The following PCSK6 variants were observed in gnomAD, a reference collection of about 807,000 sequenced individuals.
PCSK6 encodes paired basic amino acid cleaving enzyme 4.
A neutral mutation model predicts 123.3 loss-of-function variants in PCSK6; 85 were observed. The observed-to-expected ratio is 0.69, with a 90% CI of 0.58 to 0.83. The LOEUF (loss-of-function observed/expected upper bound fraction) is 0.83. PCSK6 is among the 40% of genes least tolerant of loss of function. PCSK6 has a pLI of 0.00. For missense variants in PCSK6, 1,191 were observed against 1,282.3 expected (o/e 0.93, Z 1.09); for synonymous variants, 508 against 516.0 (o/e 0.98, Z 0.21).
chr15:101,374,791 C>T (rs1014071451), intron 11 of PCSK6, among the ~76,000 whole-genome samples: 8 of 152,176 alleles, frequency 5.3e-5, no homozygotes, highest in Non-Finnish European at 1.0e-4. Context: ...ACACAGTGCC[C>T]GTGTGAAGGT....
intron 11 of PCSK6, among the ~76,000 whole-genome samples, chr15:101,379,741 A>T (rs1405493876): frequency 6.6e-6 from 1 of 152,156 alleles, no homozygotes; most frequent in Admixed American, 6.5e-5. Context: ...CTTCCTTTTC[A>T]TTTTCGGCCA....
At chr15:101,313,640 C>T in intron 19 of PCSK6, 135 bp from the exon 20 acceptor site, 1 of 1,370,382 alleles carries the variant, frequency 7.3e-7, no homozygotes, top group Non-Finnish European at 9.7e-7. Context: ...TGCCATTTCC[C>T]AGGTTCTGTG....
At chr15:101,317,768 A>C (rs1208993788) in intron 19 of PCSK6, among the ~76,000 whole-genome samples, 1 of 152,216 alleles carries the variant, frequency 6.6e-6, no homozygotes, top group East Asian at 1.9e-4. Flanking sequence ...TTCTAATGAG[A>C]ACCTCAGGCT....
intron 1 of PCSK6, among the ~76,000 whole-genome samples, chr15:101,480,273 C>T (rs2057841159): frequency 1.3e-5 from 2 of 152,342 alleles, no homozygotes; most frequent in Admixed American, 1.3e-4. Context: ...GATTAGAGAA[C>T]TAACAGTGAC....
intron 5 of PCSK6, among the ~76,000 whole-genome samples, chr15:101,429,193 G>C (rs894694306): frequency 4.6e-5 from 7 of 152,152 alleles, no homozygotes; most frequent in African/African-American, 1.7e-4. Context: ...AATATTTTTA[G>C]AGGAATGATA....
chr15:101,489,315 C>T (rs1260861771), intron 1 of PCSK6, 59 bp downstream of exon 1: 2 of 1,062,078 alleles, frequency 1.9e-6, no homozygotes, highest in South Asian at 3.4e-5. Context: ...AGGCGCCCCC[C>T]TCGCGCGCGC....
At chr15:101,387,375 G>A (rs543542989) in intron 9 of PCSK6, among the ~76,000 whole-genome samples, 33 of 152,208 alleles carry the variant, frequency 2.2e-4, no homozygotes, top group Non-Finnish European at 4.0e-4. Flanking sequence ...TCAGCAGGGC[G>A]TACTCGAAGA....
chr15:101,469,564 G>C (rs765962314), intron 1 of PCSK6, among the ~76,000 whole-genome samples: 2 of 152,222 alleles, frequency 1.3e-5, no homozygotes, highest in Non-Finnish European at 2.9e-5. Context: ...GTCCTCTTTT[G>C]CGTCAGTGGT....
intron 1 of PCSK6, among the ~76,000 whole-genome samples, chr15:101,453,721 T>A (rs990085123): frequency 6.6e-6 from 1 of 152,198 alleles, no homozygotes; most frequent in Non-Finnish European, 1.5e-5. Flanking sequence ...GTTGAGACTT[T>A]CCCAACTTGA....
At chr15:101,306,083 A>G (rs1272511479) in intron 21 of PCSK6, among the ~76,000 whole-genome samples, 1 of 136,962 alleles carries the variant, frequency 7.3e-6, no homozygotes, top group East Asian at 2.5e-4. Flanking sequence ...GCCTGGAGGC[A>G]GGAGGGAATG....
chr15:101,484,983 G>A (rs184444237), intron 1 of PCSK6, among the ~76,000 whole-genome samples: 190 of 152,272 alleles, frequency 1.2e-3, no homozygotes, highest in South Asian at 5.0e-3. Flanking sequence ...GTCTGGCTGT[G>A]GACTAGCAAG....
rs767269626 is a variant in PCSK6, at chr15:101,305,224, G to A, written c.*34C>T. 4 of 1,529,194 alleles carry A rather than the reference G, an allele frequency of 2.6e-6. No individual in the cohort carries two copies. In the Admixed American group the frequency reaches 6.9e-5, roughly 26 times the overall value. 94.7% of individuals were successfully genotyped at this position (1,529,194 alleles called of 1,614,324 possible). On this transcript the variant is annotated 3_prime_UTR_variant, in exon 22 of 22. Coordinates refer to ENST00000611716, the MANE Select transcript of PCSK6 (RefSeq NM_002570.5). The surrounding 1 kb of genome is among the most constrained non-coding windows in gnomAD (Gnocchi z 4.8). ...AGGAAGGTGGACGGATGGATGGATG[G>A]GAGTGCCTGCCCTCTGTGGGCAGCT...
At chr15:101,437,025 C>A (rs1296403665) in intron 2 of PCSK6, among the ~76,000 whole-genome samples, 1 of 152,170 alleles carries the variant, frequency 6.6e-6, no homozygotes, top group Non-Finnish European at 1.5e-5. Flanking sequence ...GTCCCAGAAA[C>A]CCCAGAACTG....
At chr15:101,394,020 G>A (rs2042318723) in intron 7 of PCSK6, among the ~76,000 whole-genome samples, 1 of 152,216 alleles carries the variant, frequency 6.6e-6, no homozygotes, top group South Asian at 2.1e-4. Flanking sequence ...CAGCTTGTGG[G>A]TGTCCTGTCA....
intron 13 of PCSK6, among the ~76,000 whole-genome samples, chr15:101,359,517 A>T (rs2041148398): frequency 6.6e-6 from 1 of 152,270 alleles, no homozygotes; most frequent in African/African-American, 2.4e-5. Context: ...CCTATTGGGC[A>T]CCTATCATAC....
intron 1 of PCSK6, among the ~76,000 whole-genome samples, chr15:101,466,067 A>G (rs2057452771): frequency 6.6e-6 from 1 of 152,324 alleles, no homozygotes. Flanking sequence ...GATTAAAAAA[A>G]CAATGTCCGT....
chr15:101,464,160 T>A (rs2057402111), intron 1 of PCSK6, among the ~76,000 whole-genome samples: 1 of 152,124 alleles, frequency 6.6e-6, no homozygotes, highest in African/African-American at 2.4e-5. Flanking sequence ...AGGCTGCTCC[T>A]GGGGCTGCTG....
At chr15:101,327,448 G>A (rs940819052) in intron 15 of PCSK6, among the ~76,000 whole-genome samples, 9 of 152,268 alleles carry the variant, frequency 5.9e-5, no homozygotes, top group African/African-American at 2.2e-4. Flanking sequence ...CCTGCCTACT[G>A]CCCACCTGTC....
At chr15:101,357,894 G>A (rs1340782754) in intron 13 of PCSK6, among the ~76,000 whole-genome samples, 1 of 152,146 alleles carries the variant, frequency 6.6e-6, no homozygotes, top group African/African-American at 2.4e-5. Context: ...CCACACTGAC[G>A]CCTTCTGTGG....
Sources: allele counts gnomAD v4.1 joint callset (sites outside exome capture counted in the v4.1 genomes callset), GRCh38; gene constraint gnomAD v4.1.1; non-coding constraint Gnocchi (gnomAD v3.1); transcripts MANE v1.5; gene names NCBI Gene and HGNC (gene_info 2026-07-23, HGNC 2026-07-21).